Variants in CACNA2D2 observed in about 807,000 individuals in gnomAD.
CACNA2D2 encodes the protein voltage-dependent calcium channel subunit alpha-2/delta-2.
In CACNA2D2, 48 loss-of-function variants were observed where a neutral mutation model predicts 166.4. That is an observed-to-expected ratio of 0.29 (90% confidence interval 0.23 to 0.37). The LOEUF (loss-of-function observed/expected upper bound fraction) is 0.37, where lower values mean the gene tolerates loss of function less well. Among genes scored for constraint, CACNA2D2 ranks in the 10% least tolerant of loss-of-function variants. The pLI is 1.00. For missense variants in CACNA2D2, 1,122 were observed against 1,433.0 expected, an observed-to-expected ratio of 0.78 and a Z score of 3.50; for synonymous variants, 561 against 573.7, an observed-to-expected ratio of 0.98 and a Z score of 0.32.
chr3:50,446,496 G>A (rs1474828387), intron 2 of CACNA2D2, among the ~76,000 whole-genome samples: 2 of 152,178 alleles, frequency 1.3e-5, no homozygotes, highest in African/African-American at 4.8e-5. Context: ...GTGGGATCCT[G>A]TAACTCCTCT....
In CACNA2D2 at chr3:50,363,206, T is replaced by A. The variant is rs1434896794; in HGVS notation, c.*1460A>T. 2.5e-6 allele frequency: 1 copy of A among 398,824 alleles called. No individual in the cohort carries two copies. The highest frequency in any genetic ancestry group is 4.4e-5 in the Admixed American group (1 of 22,716). 24.7% of individuals were successfully genotyped at this position (398,824 alleles called of 1,614,324 possible). ...ACGCCCCCGAAGGACACAGCTGGCA[T>A]CCAGGCCGGGTGCACATGGACACCC... On this transcript the variant is annotated 3_prime_UTR_variant, in exon 38 of 38. Transcript: ENST00000424201.
intron 22 of CACNA2D2, 140 bp from the exon 23 acceptor site, chr3:50,370,520 T>G: frequency 3.1e-6 from 2 of 652,518 alleles, no homozygotes; most frequent in East Asian, 2.7e-5. Flanking sequence ...AACCCGCCAT[T>G]TCCACGTCCA....
chr3:50,405,905 C>T (rs1706686386), intron 3 of CACNA2D2, among the ~76,000 whole-genome samples: 1 of 152,180 alleles, frequency 6.6e-6, no homozygotes, highest in African/African-American at 2.4e-5. Flanking sequence ...ATGGTGCTAG[C>T]CAAACCAGAC....
chr3:50,443,395 G>A (rs1017490849), intron 2 of CACNA2D2, among the ~76,000 whole-genome samples: 2 of 152,208 alleles, frequency 1.3e-5, no homozygotes, highest in African/African-American at 4.8e-5. Context: ...GGCCAGACAG[G>A]GCTCAGCGCA....
intron 3 of CACNA2D2, among the ~76,000 whole-genome samples, chr3:50,395,257 C>A (rs1358998449): frequency 7.2e-5 from 11 of 152,180 alleles, no homozygotes; most frequent in Admixed American, 2.6e-4. Flanking sequence ...TGGCATGGAG[C>A]CATTGTGGCC....
intron 21 of CACNA2D2, among the ~76,000 whole-genome samples, 167 bp from the exon 22 acceptor site, chr3:50,374,980 C>T (rs995674729): frequency 6.6e-6 from 1 of 152,076 alleles, no homozygotes; most frequent in African/African-American, 2.4e-5. Flanking sequence ...GTCTAGGGGC[C>T]GGCACCCTGG....
Position 50,381,127 on chromosome 3 carries a change from C to A in CACNA2D2, c.653-1G>T. ...TTGAGCTCATTGAGGATGACAGTGG[C>A]TGGGGGGAAGCGGGGAGCTGGGGTG... On this transcript the variant is annotated splice_acceptor_variant, in intron 6 of 37. Transcript: ENST00000424201. LOFTEE classifies it high-confidence loss of function. The A allele has an allele frequency of 6.2e-7, 1 of 1,600,550 alleles. No individual in the cohort carries two copies. Among genetic ancestry groups the A allele is most frequent in the Non-Finnish European group, 8.5e-7 (1 of 1,172,902 alleles).
Position 50,366,843 on chromosome 3 carries a change from G to C in CACNA2D2, c.2577C>G (p.Asp859Glu). ...CCTGCCCAAATACCTTCTGAGGCTGGTCTTGGTGGGTACGGTTGCTGGCTA... is the reference window on the plus strand; with the variant it reads ...CCTGCCCAAATACCTTCTGAGGCTGCTCTTGGTGGGTACGGTTGCTGGCTA... Reference protein sequence around the residue: ...KVLASNRTHQDQPQKCGPNSH... With the variant: ...KVLASNRTHQEQPQKCGPNSH... Residue 859 changes from aspartate (D) to glutamate (E), a missense_variant, in exon 29 of 38, where the codon GAC becomes GAG. Asp to Glu is a conservative substitution (Grantham distance 45). Transcript: ENST00000424201. This position sits in a 1 kb window ranked among gnomAD's most constrained non-coding sequence, Gnocchi z 5.9. 2 of 1,613,560 alleles carry C rather than the reference G, an allele frequency of 1.2e-6. No individual in the cohort carries two copies. Among genetic ancestry groups the C allele is most frequent in the South Asian group, 2.2e-5 (2 of 91,082 alleles).
Position 50,376,009 on chromosome 3 carries a change from G to C in CACNA2D2, c.1727C>G (p.Thr576Ser). ...PQTTNFREPV[T>S]LDFLDAELED... is the part of the protein sequence containing the mutation. ...TAGCTCCGCATCCAGGAAGTCCAGA[G>C]TCACAGGCTCCCGGAAGTTGGTGGT... Residue 576 changes from threonine to serine, a missense_variant, in exon 19 of 38, where the codon ACT becomes AGT. Transcript: ENST00000424201. This position sits in a 1 kb window ranked among gnomAD's most constrained non-coding sequence, Gnocchi z 4.3. 4 of 1,613,438 alleles carry C rather than the reference G, an allele frequency of 2.5e-6. No individual in the cohort carries two copies. Among genetic ancestry groups the C allele is most frequent in the Non-Finnish European group, 2.5e-6 (3 of 1,179,986 alleles).
At chr3:50,387,674 T>C in intron 4 of CACNA2D2, 62 bp from the exon 5 acceptor site, 2 of 1,321,256 alleles carry the variant, frequency 1.5e-6, no homozygotes, top group South Asian at 1.3e-5. Flanking sequence ...ACAGGACTCC[T>C]AGCCCCAAGG....
At chr3:50,405,404 G>A (rs752754988) in intron 3 of CACNA2D2, among the ~76,000 whole-genome samples, 27 of 152,194 alleles carry the variant, frequency 1.8e-4, no homozygotes, top group Non-Finnish European at 3.1e-4. Context: ...CTAGGCAGCA[G>A]GAACACCAGA....
At chr3:50,409,007 C>T (rs1329963077) in intron 3 of CACNA2D2, among the ~76,000 whole-genome samples, 1 of 152,256 alleles carries the variant, frequency 6.6e-6, no homozygotes, top group East Asian at 1.9e-4. Flanking sequence ...TGAATCCCAG[C>T]TGGCTTAGCC....
At chr3:50,454,366 G>A (rs1369324354) in intron 2 of CACNA2D2, among the ~76,000 whole-genome samples, 1 of 152,178 alleles carries the variant, frequency 6.6e-6, no homozygotes, top group Non-Finnish European at 1.5e-5. Flanking sequence ...GGCAGAGGAC[G>A]CGCACCCTCC....
chr3:50,456,129 G>A (rs893156060), intron 2 of CACNA2D2, among the ~76,000 whole-genome samples: 1 of 152,238 alleles, frequency 6.6e-6, no homozygotes, highest in African/African-American at 2.4e-5. Flanking sequence ...TTTTACAGAT[G>A]AAGAAACTGA....
chr3:50,426,125 A>G (rs1033364068), intron 3 of CACNA2D2, among the ~76,000 whole-genome samples: 32 of 152,290 alleles, frequency 2.1e-4, no homozygotes, highest in Non-Finnish European at 4.4e-5. Flanking sequence ...GCAGGTACAC[A>G]GGCTCAGGAG....
At chr3:50,462,658 A>G (rs1709644486) in intron 2 of CACNA2D2, among the ~76,000 whole-genome samples, 1 of 151,758 alleles carries the variant, frequency 6.6e-6, no homozygotes, top group Non-Finnish European at 1.5e-5. Context: ...ATGCCCACGG[A>G]TAATGCCTAA....
chr3:50,396,768 T>C (rs1312636723), intron 3 of CACNA2D2, among the ~76,000 whole-genome samples: 2 of 152,158 alleles, frequency 1.3e-5, no homozygotes, highest in Non-Finnish European at 2.9e-5. Flanking sequence ...CCTCCTTCCT[T>C]ACCTGGTGAC....
Position 50,381,064 on chromosome 3 carries a change from G to C in CACNA2D2, c.715C>G (p.Arg239Gly). Reference sequence around the variant, plus strand: ...CACAGCAGTGTGGGGTCTTGTCTGCGGTTTTCCATGAACACATTCTCCAGG... The same window carrying C: ...CACAGCAGTGTGGGGTCTTGTCTGCCGTTTTCCATGAACACATTCTCCAGG... The part of the protein sequence containing the change: ...EALENVFMEN[R>G]RQDPTLLWQV... Residue 239 changes from arginine to glycine, a missense_variant, in exon 7 of 38, where the codon CGC becomes GGC. Around this residue, in one of 2 missense-constraint regions of CACNA2D2, gnomAD observed 840 missense variants for 1,166.8 expected, o/e 0.72. Coordinates refer to ENST00000424201, the MANE Select transcript of CACNA2D2 (RefSeq NM_006030.4). 1 of 1,613,980 alleles carries C rather than the reference G, an allele frequency of 6.2e-7. No homozygotes were observed. The highest frequency in any genetic ancestry group is 1.7e-5 in the Admixed American group (1 of 60,004).
chr3:50,426,918 C>T (rs1246342556), intron 3 of CACNA2D2, among the ~76,000 whole-genome samples: 2 of 152,194 alleles, frequency 1.3e-5, no homozygotes, highest in Non-Finnish European at 2.9e-5. Flanking sequence ...AGCCATGTCC[C>T]ACCTGCACTG....
Sources: gnomAD v4.1 joint callset for allele counts (sites outside exome capture counted in the v4.1 genomes callset) on GRCh38, gnomAD v4.1.1 for gene constraint, gnomAD v4.1.1 regional missense constraint, Gnocchi (gnomAD v3.1) non-coding constraint, MANE v1.5 for transcripts, NCBI Gene and HGNC (gene_info 2026-07-23, HGNC 2026-07-21) for gene names.